KCNQ3: variants seen among roughly 807,000 people sequenced by gnomAD.
KCNQ3 encodes potassium voltage-gated channel subfamily Q member 3, also known as potassium voltage-gated channel subfamily KQT member 3.
KCNQ3 carries 30 observed loss-of-function variants against 92.5 expected under a neutral mutation model. That is an observed-to-expected ratio of 0.32 (90% CI 0.24 to 0.44). The LOEUF is 0.44. Among genes scored for constraint, KCNQ3 ranks in the 20% least tolerant of loss-of-function variants. The pLI, the probability that KCNQ3 is intolerant of heterozygous loss-of-function variation, is 1.00. For synonymous variants in KCNQ3, 450 were observed against 468.8 expected, an observed-to-expected ratio of 0.96 and a Z score of 0.52; for missense variants, 913 against 1,140.3, an observed-to-expected ratio of 0.80 and a Z score of 2.87.
chr8:132,437,308 A>T (rs1473766919), intron 1 of KCNQ3, among the ~76,000 whole-genome samples: 3 of 150,810 alleles, frequency 2.0e-5, no homozygotes, highest in African/African-American at 7.3e-5. Flanking sequence ...AAATAAAAAA[A>T]ATAAAAAAAA....
chr8:132,136,940 T>C (rs544073400), intron 12 of KCNQ3, among the ~76,000 whole-genome samples: 2 of 47,110 alleles, frequency 4.2e-5, no homozygotes, highest in East Asian at 5.2e-4. Context: ...CTTGGCTCAC[T>C]GCAACCTCCG....
chr8:132,176,223 T>C (rs906204815), intron 4 of KCNQ3, among the ~76,000 whole-genome samples: 10 of 152,322 alleles, frequency 6.6e-5, no homozygotes, highest in African/African-American at 2.4e-4. Context: ...AGCCTGTAAT[T>C]TCATGGATAT....
At chr8:132,252,074 G>A (rs936342) in intron 1 of KCNQ3, among the ~76,000 whole-genome samples, 2,661 of 152,224 alleles carry the variant, frequency 0.017, 78 homozygotes, top group African/African-American at 0.061. Flanking sequence ...TGGCCACTAT[G>A]TATGATCTCA....
intron 1 of KCNQ3, among the ~76,000 whole-genome samples, chr8:132,440,683 G>A (rs917050264): frequency 2.6e-5 from 4 of 152,142 alleles, no homozygotes; most frequent in Non-Finnish European, 4.4e-5. Context: ...ATCTGGATTC[G>A]AACTCCACCT....
intron 1 of KCNQ3, among the ~76,000 whole-genome samples, chr8:132,397,574 C>A (rs1216453325): frequency 6.6e-6 from 1 of 152,070 alleles, no homozygotes; most frequent in Non-Finnish European, 1.5e-5. Context: ...TGATCATGAT[C>A]CTTAGGGAAG....
intron 1 of KCNQ3, among the ~76,000 whole-genome samples, chr8:132,475,412 T>G (rs1245701266): frequency 6.6e-6 from 1 of 152,186 alleles, no homozygotes; most frequent in African/African-American, 2.4e-5. Flanking sequence ...ACCAAAATGC[T>G]GACAGTGATA....
chr8:132,303,729 T>C (rs1454670055), intron 1 of KCNQ3, among the ~76,000 whole-genome samples: 1 of 140,420 alleles, frequency 7.1e-6, no homozygotes, highest in Non-Finnish European at 1.5e-5. Flanking sequence ...CACATATATG[T>C]ACATGCCACA....
At chr8:132,176,167 C>A (rs1358842343) in intron 4 of KCNQ3, among the ~76,000 whole-genome samples, 3 of 152,128 alleles carry the variant, frequency 2.0e-5, no homozygotes, top group Non-Finnish European at 2.9e-5. Context: ...TGAAATGCAG[C>A]TTTACATTAA....
At chr8:132,284,869 AATTCCCATGAGGGTG>A (rs1816631871) in intron 1 of KCNQ3, among the ~76,000 whole-genome samples, 1 of 152,200 alleles carries the variant, frequency 6.6e-6, no homozygotes, top group Admixed American at 6.5e-5. Flanking sequence ...GAAATGAATT[AATTCCCATGAGGGTG>A]AGCATGCCTC....
At chr8:132,229,790 T>C (rs1295085054) in intron 1 of KCNQ3, among the ~76,000 whole-genome samples, 1 of 152,078 alleles carries the variant, frequency 6.6e-6, no homozygotes, top group Non-Finnish European at 1.5e-5. Flanking sequence ...AGGGAGCAAC[T>C]ACAGCATCCC....
intron 1 of KCNQ3, among the ~76,000 whole-genome samples, chr8:132,256,726 G>A (rs1815601076): frequency 6.6e-6 from 1 of 152,118 alleles, no homozygotes; most frequent in African/African-American, 2.4e-5. Context: ...AAAAAATACT[G>A]TAAACCAAGA....
At chr8:132,301,865 C>T (rs1271588964) in intron 1 of KCNQ3, among the ~76,000 whole-genome samples, 1 of 152,106 alleles carries the variant, frequency 6.6e-6, no homozygotes, top group African/African-American at 2.4e-5. Flanking sequence ...ATTTTGTAGT[C>T]CTGGAGCTCA....
In KCNQ3 at chr8:132,180,283, G is replaced by T. The variant is rs537457659; in HGVS notation, c.651C>A (p.Asn217Lys). ...IASVPVVAVG[N>K]QGNVLATSLR... ...GGGAGGTGGCCAGAACATTGCCTTG[G>T]TTTCCCACAGCAACCACTGGCACAG... Residue 217 changes from asparagine to lysine, a missense_variant, in exon 4 of 15, where the codon AAC becomes AAA. Physicochemically the swap from Asn to Lys is moderately conservative, Grantham distance 94 (BLOSUM62 0). Coordinates refer to ENST00000388996, the MANE Select transcript of KCNQ3 (RefSeq NM_004519.4). The T allele has an allele frequency of 6.2e-7, 1 of 1,614,134 alleles. No homozygotes were observed. The highest frequency in any genetic ancestry group is 8.5e-7 in the Non-Finnish European group (1 of 1,180,046).
chr8:132,194,670 G>C (rs1827254766), intron 1 of KCNQ3, among the ~76,000 whole-genome samples: 3 of 152,312 alleles, frequency 2.0e-5, no homozygotes, highest in Non-Finnish European at 4.4e-5. Context: ...CCAGACATGA[G>C]AACATAAGTC....
intron 1 of KCNQ3, among the ~76,000 whole-genome samples, chr8:132,328,589 T>C (rs760117319): frequency 6.6e-6 from 1 of 152,208 alleles, no homozygotes; most frequent in Non-Finnish European, 1.5e-5. Context: ...CAGAAAATTA[T>C]ACTCTCCACC....
intron 9 of KCNQ3, among the ~76,000 whole-genome samples, chr8:132,143,296 T>C (rs1175881804): frequency 6.6e-6 from 1 of 151,854 alleles, no homozygotes; most frequent in African/African-American, 2.4e-5. Context: ...ACAGAGCCCA[T>C]GGGCTAAAAA....
intron 1 of KCNQ3, among the ~76,000 whole-genome samples, chr8:132,263,078 A>G (rs1250294378): frequency 6.6e-6 from 1 of 152,072 alleles, no homozygotes; most frequent in Non-Finnish European, 1.5e-5. Context: ...AACTCCCACC[A>G]CTGCTCTGTA....
At chr8:132,301,094 C>G (rs1817201126) in intron 1 of KCNQ3, among the ~76,000 whole-genome samples, 1 of 152,160 alleles carries the variant, frequency 6.6e-6, no homozygotes, top group Non-Finnish European at 1.5e-5. Context: ...AAGCCTACCC[C>G]ACGATTCATC....
chr8:132,331,684 C>A (rs1353380179), intron 1 of KCNQ3, among the ~76,000 whole-genome samples: 4 of 152,168 alleles, frequency 2.6e-5, no homozygotes, highest in Admixed American at 2.0e-4. Context: ...GGGAATTTAG[C>A]ATTGTAAAGG....
Sources: gnomAD v4.1 joint callset for allele counts (sites outside exome capture counted in the v4.1 genomes callset) on GRCh38, gnomAD v4.1.1 for gene constraint, MANE v1.5 for transcripts, NCBI Gene and HGNC (gene_info 2026-07-23, HGNC 2026-07-21) for gene names.